ZNF469: variants seen among roughly 807,000 people sequenced by gnomAD.
ZNF469 encodes the protein zinc finger protein 469.
In ZNF469, 1 loss-of-function variant was observed where a neutral mutation model predicts 1.0. The observed-to-expected ratio is 1.00, with a 90% CI of 0.35 to 4.73. ZNF469 has a LOEUF of 4.73. Among genes scored for constraint, ZNF469 ranks in the 30% most tolerant of loss-of-function variants. The pLI, the probability that ZNF469 is intolerant of heterozygous loss-of-function variation, is 0.16. For missense variants in ZNF469, 6,100 were observed against 5,356.3 expected (o/e 1.14, Z -4.33); for synonymous variants, 2,703 against 2,363.4 (o/e 1.14, Z -4.17).
At chr16:88,111,520 C>CT in the ZNF469 span, among the ~76,000 whole-genome samples, 1 of 1,592 alleles carries the variant, frequency 6.3e-4, no homozygotes, top group African/African-American at 8.9e-4. Context: ...TACCCATTAA[C>CT]ATCCCCCCCA....
chr16:88,219,908 A>G, the ZNF469 span, among the ~76,000 whole-genome samples: 2 of 152,224 alleles, frequency 1.3e-5, no homozygotes, highest in South Asian at 4.2e-4. Context: ...GCCTGTGCCC[A>G]CAACTGGCAG....
rs1219325713 is a variant in ZNF469 at position 88,438,656 on chromosome 16, G to T, written c.11186G>T (p.Gly3729Val). ...MKPATPKAKPGPSSQGSGSPR... is the reference protein window; with the variant it reads ...MKPATPKAKPVPSSQGSGSPR... Reference sequence around the variant, plus strand: ...CCCGCCACCCCCAAAGCCAAACCCGGCCCCAGCTCCCAGGGCAGTGGAAGC... The same window carrying T: ...CCCGCCACCCCCAAAGCCAAACCCGTCCCCAGCTCCCAGGGCAGTGGAAGC... The change falls in exon 3 of 3, where the codon GGC becomes GTC. Residue 3729 changes from glycine (G) to valine (V), a missense_variant. By Grantham distance (109) the Gly-to-Val change is moderately radical. Transcript: ENST00000565624. The T allele has an allele frequency of 6.5e-7, 1 of 1,549,908 alleles. No homozygotes were observed. The highest frequency in any genetic ancestry group is 8.7e-7 in the Non-Finnish European group (1 of 1,146,872).
the ZNF469 span, among the ~76,000 whole-genome samples, chr16:88,186,564 A>T: frequency 6.6e-6 from 1 of 151,952 alleles, no homozygotes; most frequent in Non-Finnish European, 1.5e-5. Flanking sequence ...CCCAGAGGGG[A>T]CCCGCAGGGA....
chr16:88,279,296 T>C, the ZNF469 span, among the ~76,000 whole-genome samples: 506 of 151,304 alleles, frequency 3.3e-3, 5 homozygotes, highest in African/African-American at 0.012. Flanking sequence ...GCACAGTTAG[T>C]GCTGTGCCAT....
At chr16:88,299,927 G>A in the ZNF469 span, among the ~76,000 whole-genome samples, 15 of 152,266 alleles carry the variant, frequency 9.9e-5, no homozygotes, top group East Asian at 9.7e-4. Flanking sequence ...GTTTGAGGAC[G>A]ACCTTTTCTT....
the ZNF469 span, among the ~76,000 whole-genome samples, chr16:88,142,008 C>T: frequency 1.9e-4 from 29 of 152,194 alleles, no homozygotes; most frequent in Non-Finnish European, 3.2e-4. Flanking sequence ...CAGGAGGCTA[C>T]GCAGACAGGC....
chr16:88,429,648 G>C lies in ZNF469; in HGVS notation c.2178G>C (p.Gln726His). 1 of 1,542,730 alleles carries C rather than the reference G, an allele frequency of 6.5e-7. No homozygotes were observed. The highest frequency in any genetic ancestry group is 1.2e-5 in the South Asian group (1 of 83,430). Reference protein sequence around the residue: ...HFSLSSASLDQLDVLLTCRQC... With the variant: ...HFSLSSASLDHLDVLLTCRQC... ...CCCTCAGCAGCGCCAGCCTGGACCA[G>C]CTGGACGTGCTGCTGACCTGCAGGC... The change falls in exon 3 of 3, where the codon CAG becomes CAC. Residue 726 changes from glutamine to histidine, a missense_variant. Gln to His is a conservative substitution (Grantham distance 24, BLOSUM62 0). Coordinates refer to ENST00000565624, the MANE Select transcript of ZNF469 (RefSeq NM_001367624.2).
At chr16:88,413,033 C>T (rs1029298185) in intron 1 of ZNF469, among the ~76,000 whole-genome samples, 3 of 151,954 alleles carry the variant, frequency 2.0e-5, no homozygotes, top group South Asian at 2.1e-4. Context: ...GGGCGCACCA[C>T]GGCGACACCA....
the ZNF469 span, among the ~76,000 whole-genome samples, chr16:88,153,700 C>T: frequency 6.6e-6 from 1 of 152,248 alleles, no homozygotes; most frequent in African/African-American, 2.4e-5. Context: ...GCTGAGAGTT[C>T]TGGAGGCTGC....
the ZNF469 span, among the ~76,000 whole-genome samples, chr16:88,186,662 C>A: frequency 6.6e-6 from 1 of 152,128 alleles, no homozygotes; most frequent in Non-Finnish European, 1.5e-5. Flanking sequence ...GGCAGAGGAT[C>A]GTGCGGCGGT....
At chr16:88,219,815 C>G in the ZNF469 span, among the ~76,000 whole-genome samples, 1 of 152,132 alleles carries the variant, frequency 6.6e-6, no homozygotes, top group Non-Finnish European at 1.5e-5. Flanking sequence ...TCAGGCAGCC[C>G]AAGTCTCCAC....
chr16:88,319,495 G>A, the ZNF469 span, among the ~76,000 whole-genome samples: 1 of 151,518 alleles, frequency 6.6e-6, no homozygotes, highest in Non-Finnish European at 1.5e-5. Flanking sequence ...GTGAGCACAG[G>A]CCCTGCTGAT....
chr16:88,114,225 AGAAT>A, the ZNF469 span, among the ~76,000 whole-genome samples: 1 of 132,152 alleles, frequency 7.6e-6, no homozygotes, highest in South Asian at 2.6e-4. Context: ...GTCTCCGGGG[AGAAT>A]GACAGGGACC....
At chr16:88,114,108 T>G in the ZNF469 span, among the ~76,000 whole-genome samples, 1 of 151,758 alleles carries the variant, frequency 6.6e-6, no homozygotes, top group South Asian at 2.1e-4. Context: ...CACCTCTCTG[T>G]GCCCAAGTTT....
the ZNF469 span, among the ~76,000 whole-genome samples, chr16:88,200,590 G>A: frequency 6.6e-6 from 1 of 152,236 alleles, no homozygotes; most frequent in Non-Finnish European, 1.5e-5. Context: ...CTCCGCCTAA[G>A]CTGCTGCTTT....
intron 1 of ZNF469, among the ~76,000 whole-genome samples, chr16:88,401,850 A>G (rs1434888240): frequency 1.4e-4 from 20 of 145,562 alleles, no homozygotes; most frequent in Middle Eastern, 3.9e-3. Flanking sequence ...ATGGATGGAT[A>G]CAAGGGTGGA....
chr16:88,264,806 G>GC, the ZNF469 span, among the ~76,000 whole-genome samples: 1 of 151,696 alleles, frequency 6.6e-6, no homozygotes, highest in African/African-American at 2.4e-5. Context: ...TGGCCACACG[G>GC]CCCCCCGCCT....
At chr16:88,122,831 A>ATGTG in the ZNF469 span, among the ~76,000 whole-genome samples, 1 of 151,692 alleles carries the variant, frequency 6.6e-6, no homozygotes, top group Non-Finnish European at 1.5e-5. Context: ...CTGTGTATAT[A>ATGTG]TGTGTGTGTG....
chr16:88,232,194 G>A, the ZNF469 span, among the ~76,000 whole-genome samples: 6 of 152,216 alleles, frequency 3.9e-5, no homozygotes, highest in African/African-American at 1.4e-4. Flanking sequence ...ACTAGAGCAC[G>A]AAATCACGCT....
Sources: gnomAD v4.1 joint callset for allele counts (sites outside exome capture counted in the v4.1 genomes callset) on GRCh38, gnomAD v4.1.1 for gene constraint, MANE v1.5 for transcripts, NCBI Gene and HGNC (gene_info 2026-07-23, HGNC 2026-07-21) for gene names.